ARMCX4: variants seen among roughly 807,000 people sequenced by gnomAD.
ARMCX4 encodes the protein armadillo repeat-containing X-linked protein 4.
Under a neutral mutation model 34.7 loss-of-function variants are expected in ARMCX4, and 3 were observed. The ratio of observed to expected loss-of-function variants is 0.09; its 90% confidence interval spans 0.04 to 0.22. ARMCX4 has a LOEUF of 0.22. Ranked by LOEUF, ARMCX4 falls within the 10% of genes least tolerant of loss-of-function variation. The pLI, the probability that ARMCX4 is intolerant of heterozygous loss-of-function variation, is 1.00. For synonymous variants in ARMCX4, 513 were observed against 632.8 expected (o/e 0.81, Z 2.84); for missense variants, 1,448 against 1,720.8 (o/e 0.84, Z 2.81).
intron 4 of ARMCX4, among the ~76,000 whole-genome samples, chrX:101,460,797 A>G (rs781940147): frequency 8.9e-6 from 1 of 111,894 alleles, no homozygotes; most frequent in Non-Finnish European, 1.9e-5. Context: ...CCAGTAGCCA[A>G]TATAAAGAGA....
chrX:101,499,243 AC>A (rs1305043075), downstream of ARMCX4: 1 of 111,769 alleles, frequency 8.9e-6, no homozygotes, highest in Non-Finnish European at 1.9e-5. Flanking sequence ...ACAGGAAATG[AC>A]ACGAACTCAT....
intron 2 of ARMCX4, among the ~76,000 whole-genome samples, chrX:101,422,100 C>T (rs1929308320): frequency 9.3e-6 from 1 of 107,639 alleles, no homozygotes; most frequent in South Asian, 4.1e-4. Context: ...ACTGCAACCT[C>T]TGCCTCCCGG....
At chrX:101,434,275 A>G (rs1555993638) in intron 2 of ARMCX4, among the ~76,000 whole-genome samples, 1 of 83,278 alleles carries the variant, frequency 1.2e-5, no homozygotes, top group Admixed American at 1.5e-4. Flanking sequence ...TTTTTTTGAT[A>G]TGGATCCTCA....
intron 2 of ARMCX4, among the ~76,000 whole-genome samples, chrX:101,486,947 T>TA (rs782663324): frequency 9.4e-6 from 1 of 106,207 alleles, no homozygotes; most frequent in Non-Finnish European, 1.9e-5. Flanking sequence ...AAAAATAAAA[T>TA]AAATAAAATA....
rs782358456 is a variant in ARMCX4 at position 101,495,193 on chromosome X, A to G, written c.6604A>G (p.Ile2202Val). The change falls in exon 6 of 6, where the codon ATT becomes GTT. Residue 2202 changes from isoleucine to valine, a missense_variant. By Grantham distance (29) the Ile-to-Val change is conservative (BLOSUM62 3). This residue lies in a region of ARMCX4 where 105 missense variants were observed against 180.2 expected (regional missense o/e 0.58). Transcript: ENST00000423738. ...KNPSMTKDLL[I>V]ANAPTSLINI... The stretch of plus-strand genomic sequence containing the variant: ...TCCATCTATGACAAAAGACTTGCTC[A>G]TTGCCAATGCACCAACATCACTGAT... 2.6e-6 allele frequency: 3 copies of G among 1,148,836 alleles called. No individual in the cohort carries two copies. The highest frequency in any genetic ancestry group is 3.8e-5 in the South Asian group (2 of 52,435). The allele number at this position is 1,148,836 out of a possible 1,213,427, so 94.7% of individuals were successfully genotyped here.
chrX:101,423,551 A>C (rs1569311223), intron 2 of ARMCX4, among the ~76,000 whole-genome samples: 1 of 109,534 alleles, frequency 9.1e-6, no homozygotes, highest in Non-Finnish European at 1.9e-5. Context: ...TGGGAGGCGG[A>C]GGTTGCAGTG....
intron 11 of ARMCX4, among the ~76,000 whole-genome samples, chrX:101,521,936 A>G (rs995026836): frequency 9.0e-6 from 1 of 111,600 alleles, no homozygotes. Flanking sequence ...TTTATCCTGA[A>G]GAATGTTCCA....
In ARMCX4 at chrX:101,506,316, A is replaced by G. The variant is rs1025637985; in HGVS notation, c.*1596+961A>G. On this transcript the variant is annotated intron_variant and NMD_transcript_variant, in intron 8 of 12. Coordinates refer to the ARMCX4 transcript ENST00000354842. ...ATGATTTGTCCTTTTGTGACTTAGC[A>G]TAATATTCTTCTATTAGTCTACTTG... 4.4e-5 allele frequency among the ~76,000 whole-genome samples: 5 copies of G among 112,372 alleles called. No individual in the cohort carries two copies. The East Asian group carries it at 1.4e-3, about 31-fold the overall frequency.
At chrX:101,432,759 C>CGTATATATGTATACATATATGTATAT (rs1569314461) in intron 2 of ARMCX4, among the ~76,000 whole-genome samples, 15 of 34,201 alleles carry the variant, frequency 4.4e-4, no homozygotes, top group Non-Finnish European at 1.2e-3. Context: ...TGTGTATATA[C>CGTATATATGTATACATATATGTATAT]ACGTATATAT....
At chrX:101,506,432 A>G (rs981403863) in intron 8 of ARMCX4, among the ~76,000 whole-genome samples, 16 of 111,405 alleles carry the variant, frequency 1.4e-4, no homozygotes, top group Non-Finnish European at 2.8e-4. Context: ...TCAAAATGCC[A>G]AAAGTTTCTG....
intron 11 of ARMCX4, among the ~76,000 whole-genome samples, chrX:101,528,726 A>G (rs1556021299): frequency 3.6e-5 from 4 of 111,380 alleles, no homozygotes; most frequent in African/African-American, 9.8e-5. Context: ...GTGAACTCCC[A>G]TTCACAATTG....
Position 101,494,057 on chromosome X carries a change from C to CTGAGGT in ARMCX4, c.5470_5471insAGGTTG (p.Ala1823_Gly1824insGluVal), listed in dbSNP as rs1934100064. 2.3e-6 allele frequency: 1 copy of CTGAGGT among 430,944 alleles called. No homozygotes were observed. Among genetic ancestry groups the CTGAGGT allele is most frequent in the Non-Finnish European group, 3.3e-6 (1 of 306,248 alleles). The allele number at this position is 430,944 out of a possible 1,213,427, so 35.5% of individuals were successfully genotyped here. On this transcript the variant is annotated inframe_insertion, in exon 6 of 6. Coordinates refer to ENST00000423738, the MANE Select transcript of ARMCX4 (RefSeq NM_001256155.3). ...GCTGAGGCTGGGGCTGGGGCTGAGG[C>CTGAGGT]TGGGGCTGGGGCTGGGGCTGAGGCT...
intron 3 of ARMCX4, chrX:101,445,917 GT>G (rs1931595050): frequency 3.6e-5 from 4 of 111,472 alleles, no homozygotes; most frequent in African/African-American, 1.3e-4. Flanking sequence ...TGCTTGGCAC[GT>G]AGTAGGCACA....
Position 101,490,123 on chromosome X carries a change from G to A in ARMCX4, c.1534G>A (p.Gly512Ser). ...AGCTGGGGTGGATATGAAGGCTCAA[G>A]GTATGGCCCAGAGCCAGGGTGAAGC... The part of the protein sequence containing the change: ...EGAGVDMKAQ[G>S]MAQSQGEALP... Residue 512 changes from glycine to serine, a missense_variant, in exon 6 of 6, where the codon GGT becomes AGT. By Grantham distance (56) the Gly-to-Ser change is moderately conservative. Around this residue, in one of 2 missense-constraint regions of ARMCX4, gnomAD observed 1,343 missense variants for 1,540.7 expected, o/e 0.87. Coordinates refer to ENST00000423738, the MANE Select transcript of ARMCX4 (RefSeq NM_001256155.3). The A allele has an allele frequency of 3.5e-6, 4 of 1,156,164 alleles. No homozygotes were observed. The highest frequency in any genetic ancestry group is 4.6e-6 in the Non-Finnish European group (4 of 873,016).
chrX:101,489,232 G>A lies in ARMCX4; in HGVS notation c.643G>A (p.Val215Ile), dbSNP rs61747553. Residue 215 changes from valine (V) to isoleucine (I), a missense_variant, in exon 6 of 6, where the codon GTA becomes ATA. Physicochemically the swap from Val to Ile is conservative, Grantham distance 29. Transcript: ENST00000423738. ...GGTTACACAGAGTGAGACCTTGGCA[G>A]TACCCAGGGAAGTGGCCAAGATGGG... ...VMVTQSETLA[V>I]PREVAKMGAT... 2.1e-4 allele frequency: 246 copies of A among 1,152,642 alleles called. No homozygotes were observed. In the African/African-American group the frequency reaches 3.9e-3, roughly 18 times the overall value. 95.0% of individuals were successfully genotyped at this position (1,152,642 alleles called of 1,213,427 possible).
At chrX:101,427,392 T>C (rs1335042574) in intron 2 of ARMCX4, among the ~76,000 whole-genome samples, 4 of 111,008 alleles carry the variant, frequency 3.6e-5, no homozygotes, top group African/African-American at 1.3e-4. Context: ...TCATTTTTTT[T>C]TTCAAGACAG....
downstream of ARMCX4, among the ~76,000 whole-genome samples, chrX:101,497,559 C>G (rs1339299068): frequency 9.0e-6 from 1 of 111,536 alleles, no homozygotes; most frequent in Admixed American, 9.5e-5. Flanking sequence ...TTACTCATCT[C>G]TATTTATGAT....
chrX:101,519,947 G>T (rs1383341972), intron 11 of ARMCX4, among the ~76,000 whole-genome samples: 1 of 110,633 alleles, frequency 9.0e-6, no homozygotes, highest in East Asian at 2.8e-4. Context: ...TTATATACCT[G>T]TTGGCCATTT....
chrX:101,511,740 C>T (rs782173639), intron 11 of ARMCX4, among the ~76,000 whole-genome samples: 25 of 110,365 alleles, frequency 2.3e-4, no homozygotes, highest in African/African-American at 7.3e-4. Flanking sequence ...ACCCTCCCAC[C>T]TCAACCTCTG....
Sources: allele counts gnomAD v4.1 joint callset (sites outside exome capture counted in the v4.1 genomes callset), GRCh38; gene constraint gnomAD v4.1.1; regional missense constraint gnomAD v4.1.1; transcripts MANE v1.5; gene names NCBI Gene and HGNC (gene_info 2026-07-23, HGNC 2026-07-21).